The following KIF11 variants were observed in gnomAD, a reference collection of about 807,000 sequenced individuals.
The protein encoded by KIF11 is kinesin family member 11.
Under a neutral mutation model 121.0 loss-of-function variants are expected in KIF11, and 9 were observed. That is an observed-to-expected ratio of 0.07 (90% CI 0.04 to 0.13). The LOEUF is 0.13. Ranked by LOEUF, KIF11 falls within the 10% of genes least tolerant of loss-of-function variation. The probability of loss-of-function intolerance (pLI) is 1.00; values close to 1 mark genes in which losing one functional copy is unlikely to be tolerated. For missense variants in KIF11, 846 were observed against 1,217.5 expected, an observed-to-expected ratio of 0.69 and a Z score of 4.54; for synonymous variants, 408 against 421.0, an observed-to-expected ratio of 0.97 and a Z score of 0.38.
chr10:92,635,677 C>T (rs1589603561), intron 14 of KIF11, among the ~76,000 whole-genome samples: 2 of 152,124 alleles, frequency 1.3e-5, no homozygotes, highest in African/African-American at 4.8e-5. Flanking sequence ...AAAGTGAGCA[C>T]ATGATATTTG....
intron 17 of KIF11, among the ~76,000 whole-genome samples, chr10:92,641,028 G>GT (rs1388305998): frequency 1.3e-5 from 2 of 152,228 alleles, no homozygotes; most frequent in Non-Finnish European, 2.9e-5. Flanking sequence ...GATTGCAGGT[G>GT]TGAGTCACTG....
intron 6 of KIF11, among the ~76,000 whole-genome samples, chr10:92,612,808 T>C (rs950373250): frequency 5.9e-5 from 9 of 152,210 alleles, no homozygotes; most frequent in African/African-American, 1.7e-4. Context: ...TCTAAGTCTT[T>C]TAGAGAGCTT....
chr10:92,649,359 G>A (rs766770486), intron 19 of KIF11, among the ~76,000 whole-genome samples: 3 of 152,126 alleles, frequency 2.0e-5, no homozygotes, highest in African/African-American at 4.8e-5. Context: ...CCAGCACTTC[G>A]GGAGGCAAGG....
chr10:92,648,109 A>C (rs1589607796), intron 18 of KIF11, 103 bp from the exon 19 acceptor site: 1 of 95,288 alleles, frequency 1.0e-5, no homozygotes, highest in Non-Finnish European at 1.8e-5. Context: ...ACTTGTCTCC[A>C]AAAAAAAAAA....
chr10:92,595,785 ACTACT>A (rs1844288472), intron 1 of KIF11, among the ~76,000 whole-genome samples: 2 of 152,138 alleles, frequency 1.3e-5, no homozygotes, highest in Admixed American at 1.3e-4. Flanking sequence ...TATGATTTTG[ACTACT>A]CTAAGTACTT....
intron 4 of KIF11, among the ~76,000 whole-genome samples, chr10:92,608,106 AT>A (rs1265706435): frequency 6.7e-6 from 1 of 149,980 alleles, no homozygotes; most frequent in African/African-American, 2.4e-5. Flanking sequence ...AAACTAGTTA[AT>A]TTAAAAAAAA....
At position 92,603,965 on chromosome 10, in the gene KIF11, T is replaced by C. The variant is rs1589589005; in HGVS notation, c.78-2300T>C. ...AGTGTCTAGAAAATTACCTATCACATAGTAAGTACTTGATGAATATTTGTG... is the reference window on the plus strand; with the variant it reads ...AGTGTCTAGAAAATTACCTATCACACAGTAAGTACTTGATGAATATTTGTG... On this transcript the variant is annotated intron_variant, in intron 1 of 21. Transcript: ENST00000260731. 2.0e-5 allele frequency among the ~76,000 whole-genome samples: 3 copies of C among 152,356 alleles called. No individual in the cohort carries two copies. In the South Asian group the frequency reaches 6.2e-4, roughly 32 times the overall value.
chr10:92,634,643 A>G (rs1278679521), intron 14 of KIF11, among the ~76,000 whole-genome samples: 1 of 152,226 alleles, frequency 6.6e-6, no homozygotes, highest in Non-Finnish European at 1.5e-5. Flanking sequence ...ATTATTTTCA[A>G]ATGTATGGAA....
intron 9 of KIF11, among the ~76,000 whole-genome samples, chr10:92,619,466 G>A (rs10882092): frequency 0.3 from 45,764 of 152,110 alleles, 8,020 homozygotes; most frequent in East Asian, 0.67. Flanking sequence ...TTCATTTATA[G>A]GTATTTATGT....
intron 10 of KIF11, 78 bp downstream of exon 10, chr10:92,621,551 G>A: frequency 1.2e-6 from 1 of 822,254 alleles, no homozygotes; most frequent in South Asian, 1.5e-5. Flanking sequence ...AACTTATGTA[G>A]CAGTAAGTAA....
chr10:92,603,355 T>G (rs2135898988), intron 1 of KIF11, among the ~76,000 whole-genome samples: 1 of 146,520 alleles, frequency 6.8e-6, no homozygotes, highest in Non-Finnish European at 1.5e-5. Flanking sequence ...AACCTCCACT[T>G]CAGCCTCCCA....
intron 2 of KIF11, 38 bp from the exon 3 acceptor site, chr10:92,606,581 T>G (rs1844432851): frequency 7.6e-7 from 1 of 1,318,496 alleles, no homozygotes; most frequent in Non-Finnish European, 1.1e-6. Context: ...ATGAGTAATT[T>G]TGAGGTTGAT....
chr10:92,651,502 A>ATTTTTTTTT (rs1343216900), intron 21 of KIF11, among the ~76,000 whole-genome samples: 3 of 21,552 alleles, frequency 1.4e-4, no homozygotes, highest in Non-Finnish European at 2.4e-4. Flanking sequence ...TGCCTGGCTA[A>ATTTTTTTTT]TTTTGTTTTT....
At chr10:92,635,651 T>C (rs1392118876) in intron 14 of KIF11, among the ~76,000 whole-genome samples, 2 of 152,162 alleles carry the variant, frequency 1.3e-5, no homozygotes, top group Admixed American at 1.3e-4. Context: ...GTTACCAACA[T>C]GTGATGCAGA....
chr10:92,630,764 G>A (rs971446103), intron 12 of KIF11, among the ~76,000 whole-genome samples: 2 of 151,648 alleles, frequency 1.3e-5, no homozygotes, highest in Admixed American at 1.3e-4. Flanking sequence ...TACTCGGGAA[G>A]GCTGAGGTGG....
At chr10:92,651,258 C>T (rs561571889) in intron 21 of KIF11, among the ~76,000 whole-genome samples, 1 of 152,090 alleles carries the variant, frequency 6.6e-6, no homozygotes, top group South Asian at 2.1e-4. Context: ...AAACTCCTGA[C>T]CTCAAGTTAT....
Position 92,645,399 on chromosome 10 carries a change from C to T in KIF11, c.2304C>T (p.His768=). 1 of 1,612,196 alleles carries T rather than the reference C, an allele frequency of 6.2e-7. No homozygotes were observed. Among genetic ancestry groups the T allele is most frequent in the Admixed American group, 1.7e-5 (1 of 59,792 alleles). The change falls in exon 18 of 22, where the codon CAC becomes CAT. Residue 768 remains histidine (H), a synonymous_variant. Coordinates refer to ENST00000260731, the MANE Select transcript of KIF11 (RefSeq NM_004523.4). ...ATATAGTCAACAAAATGACTTTTCA[C>T]AGTCAAAAATTTTGTGCTGATTCTG... is the stretch of plus-strand genomic sequence containing the variant. ...SKDIVNKMTF[H]SQKFCADSDG...
At chr10:92,652,162 C>T (rs536063072) in intron 21 of KIF11, among the ~76,000 whole-genome samples, 3 of 151,494 alleles carry the variant, frequency 2.0e-5, no homozygotes, top group South Asian at 4.2e-4. Flanking sequence ...GTTTTTGAGA[C>T]GGAGTTTTGC....
Position 92,653,987 on chromosome 10 carries a change from C to T in KIF11, c.*191C>T, listed in dbSNP as rs928875885. 5.0e-5 allele frequency: 20 copies of T among 403,058 alleles called. No homozygotes were observed. In the Admixed American group the frequency reaches 6.8e-4, roughly 14 times the overall value. 25.0% of individuals were successfully genotyped at this position (403,058 alleles called of 1,614,324 possible). Reference sequence around the variant, plus strand: ...TTGCTTGAGCCCAGGAGTTTGAGACCAGCCTGGCCAACGTGGCAAAACCTC... The same window carrying T: ...TTGCTTGAGCCCAGGAGTTTGAGACTAGCCTGGCCAACGTGGCAAAACCTC... On this transcript the variant is annotated 3_prime_UTR_variant, in exon 22 of 22. Coordinates refer to ENST00000260731, the MANE Select transcript of KIF11 (RefSeq NM_004523.4).
Sources: gnomAD v4.1 joint callset for allele counts (sites outside exome capture counted in the v4.1 genomes callset) on GRCh38, gnomAD v4.1.1 for gene constraint, MANE v1.5 for transcripts, NCBI Gene and HGNC (gene_info 2026-07-23, HGNC 2026-07-21) for gene names.